The following MGAT4C variants were observed in gnomAD, a reference collection of about 807,000 sequenced individuals.
The protein encoded by MGAT4C is MGAT4 family member C.
In MGAT4C, 19 loss-of-function variants were observed where a neutral mutation model predicts 40.1. The ratio of observed to expected loss-of-function variants is 0.47; its 90% CI spans 0.33 to 0.70. The LOEUF (loss-of-function observed/expected upper bound fraction) is 0.70, where lower values mean the gene tolerates loss of function less well. Ranked by LOEUF, MGAT4C falls within the 30% of genes least tolerant of loss-of-function variation. MGAT4C has a pLI of 0.02. For synonymous variants in MGAT4C, 181 were observed against 187.1 expected (o/e 0.97, Z 0.27); for missense variants, 491 against 563.2 (o/e 0.87, Z 1.30).
rs1883600827 is a variant in MGAT4C at position 85,971,081 on chromosome 12, G to A, written c.*8208C>T. Reference sequence around the variant, plus strand: ...TTCAATTTACTGATGAAAATCAGAAGAATGTTGAAAAATTAGTGCATTTAT... The same window carrying A: ...TTCAATTTACTGATGAAAATCAGAAAAATGTTGAAAAATTAGTGCATTTAT... On this transcript the variant is annotated 3_prime_UTR_variant, in exon 5 of 5. Transcript: ENST00000611864. 1 of 150,994 alleles carries A rather than the reference G, an allele frequency of 6.6e-6. No homozygotes were observed. The highest frequency in any genetic ancestry group is 2.4e-5 in the African/African-American group (1 of 41,330). The allele number at this position is 150,994 out of a possible 1,614,324, so 9.4% of individuals were successfully genotyped here.
chr12:86,198,120 T>C (rs1373250833), intron 1 of MGAT4C, among the ~76,000 whole-genome samples: 1 of 152,190 alleles, frequency 6.6e-6, no homozygotes, highest in Admixed American at 6.5e-5. Flanking sequence ...GCTAATGGAA[T>C]AAAGTTTAGT....
chr12:86,530,135 T>G (rs770694086), intron 2 of MGAT4C, among the ~76,000 whole-genome samples: 11 of 152,024 alleles, frequency 7.2e-5, no homozygotes, highest in Non-Finnish European at 1.5e-4. Context: ...TATATAGCTG[T>G]CTATTAAAAT....
chr12:86,125,683 A>AT (rs2135696503), intron 1 of MGAT4C, among the ~76,000 whole-genome samples: 1 of 152,256 alleles, frequency 6.6e-6, no homozygotes, highest in Non-Finnish European at 1.5e-5. Flanking sequence ...AAAATGTCTA[A>AT]TTTTTTTGAA....
At chr12:86,347,032 G>C (rs1371439913) in intron 3 of MGAT4C, among the ~76,000 whole-genome samples, 1 of 152,136 alleles carries the variant, frequency 6.6e-6, no homozygotes, top group African/African-American at 2.4e-5. Flanking sequence ...TTTGGGCACA[G>C]ACTGAAGACT....
chr12:86,401,964 C>T (rs1462312034), intron 3 of MGAT4C, among the ~76,000 whole-genome samples: 1 of 152,008 alleles, frequency 6.6e-6, no homozygotes, highest in East Asian at 1.9e-4. Context: ...TTTATGATTG[C>T]TGACTTCTTG....
intron 1 of MGAT4C, among the ~76,000 whole-genome samples, chr12:86,748,569 A>T (rs1951187322): frequency 6.6e-6 from 1 of 151,702 alleles, no homozygotes; most frequent in Non-Finnish European, 1.5e-5. Context: ...CAAGAACAGA[A>T]CTGGAGGCCA....
intron 1 of MGAT4C, among the ~76,000 whole-genome samples, chr12:86,801,275 G>T (rs1204919461): frequency 6.6e-6 from 1 of 151,856 alleles, no homozygotes; most frequent in Non-Finnish European, 1.5e-5. Flanking sequence ...AGAGCTTCAA[G>T]AAAAGCAGTG....
chr12:86,314,105 C>T (rs763373616), intron 4 of MGAT4C, among the ~76,000 whole-genome samples: 1 of 152,210 alleles, frequency 6.6e-6, no homozygotes, highest in African/African-American at 2.4e-5. Flanking sequence ...AGCTCCCTGT[C>T]AGCTTTCTCA....
chr12:86,759,810 A>G (rs1951369961), intron 1 of MGAT4C, among the ~76,000 whole-genome samples: 1 of 152,116 alleles, frequency 6.6e-6, no homozygotes, highest in Non-Finnish European at 1.5e-5. Flanking sequence ...TAGAGTTTGC[A>G]AATAAATATA....
At chr12:86,776,510 A>G (rs890371709) in intron 1 of MGAT4C, among the ~76,000 whole-genome samples, 6 of 152,072 alleles carry the variant, frequency 3.9e-5, no homozygotes, top group Non-Finnish European at 8.8e-5. Context: ...TTACTCAAAT[A>G]TAACTAAACA....
intron 2 of MGAT4C, among the ~76,000 whole-genome samples, chr12:86,647,233 T>C (rs1257544236): frequency 6.6e-6 from 1 of 151,936 alleles, no homozygotes; most frequent in Admixed American, 6.6e-5. Context: ...AATTATATAT[T>C]GTTCTTGTTT....
intron 2 of MGAT4C, among the ~76,000 whole-genome samples, chr12:86,510,948 C>G (rs1397576131): frequency 6.6e-6 from 1 of 151,864 alleles, no homozygotes. Context: ...AGAAAGTCAA[C>G]AAGGATACCC....
chr12:86,295,622 T>A (rs971725542), intron 4 of MGAT4C, among the ~76,000 whole-genome samples: 6 of 152,182 alleles, frequency 3.9e-5, no homozygotes, highest in Admixed American at 6.5e-5. Flanking sequence ...AGCCTGCTTT[T>A]ATTCTCTTAT....
At chr12:86,779,168 T>C (rs1951791580) in intron 1 of MGAT4C, among the ~76,000 whole-genome samples, 1 of 152,116 alleles carries the variant, frequency 6.6e-6, no homozygotes, top group South Asian at 2.1e-4. Flanking sequence ...CCTTACATCA[T>C]TCTCATTCTA....
chr12:86,009,098 T>C (rs1212204079), intron 2 of MGAT4C, among the ~76,000 whole-genome samples: 1 of 152,166 alleles, frequency 6.6e-6, no homozygotes, highest in Non-Finnish European at 1.5e-5. Flanking sequence ...CAGAGAAACC[T>C]TAAGTCTAGG....
chr12:86,176,433 A>T (rs1887439684), intron 1 of MGAT4C, among the ~76,000 whole-genome samples: 1 of 152,140 alleles, frequency 6.6e-6, no homozygotes, highest in Non-Finnish European at 1.5e-5. Flanking sequence ...CTGTGCATAC[A>T]TATGTCCCAA....
At chr12:86,281,012 G>A (rs765108736) in intron 4 of MGAT4C, among the ~76,000 whole-genome samples, 4 of 151,842 alleles carry the variant, frequency 2.6e-5, no homozygotes, top group Non-Finnish European at 4.4e-5. Flanking sequence ...GGTTATGTCC[G>A]TCATCTTGCT....
chr12:86,072,133 G>A (rs1003079292), intron 1 of MGAT4C, among the ~76,000 whole-genome samples: 1 of 151,660 alleles, frequency 6.6e-6, no homozygotes, highest in Admixed American at 6.6e-5. Flanking sequence ...TGAGATAGTT[G>A]CCATGATTAT....
chr12:86,821,828 T>G (rs1054853210), intron 1 of MGAT4C, among the ~76,000 whole-genome samples: 11 of 151,120 alleles, frequency 7.3e-5, no homozygotes, highest in Admixed American at 6.6e-4. Context: ...AAAATTACTG[T>G]CTTTTTTGGT....
Sources: gnomAD v4.1 joint callset for allele counts (sites outside exome capture counted in the v4.1 genomes callset) on GRCh38, gnomAD v4.1.1 for gene constraint, MANE v1.5 for transcripts, NCBI Gene and HGNC (gene_info 2026-07-23, HGNC 2026-07-21) for gene names.